Variants in CSMD1 observed in about 807,000 individuals in gnomAD.
CSMD1 encodes CUB and Sushi multiple domains 1.
Under a neutral mutation model 417.5 loss-of-function variants are expected in CSMD1, and 213 were observed. That is an observed-to-expected ratio of 0.51 (90% confidence interval 0.46 to 0.57). The LOEUF (loss-of-function observed/expected upper bound fraction) is 0.57, where lower values mean the gene tolerates loss of function less well. CSMD1 is among the 20% of genes least tolerant of loss of function. CSMD1 has a pLI of 0.00. For synonymous variants in CSMD1, 2,862 were observed against 1,736.8 expected (o/e 1.65, Z -16.11); for missense variants, 6,923 against 4,529.7 (o/e 1.53, Z -15.17).
chr8:4,012,088 G>A (rs939726051), intron 4 of CSMD1, among the ~76,000 whole-genome samples: 4 of 151,996 alleles, frequency 2.6e-5, no homozygotes. Context: ...CTATATTGTA[G>A]ACATAGCCAC....
intron 1 of CSMD1, among the ~76,000 whole-genome samples, chr8:4,696,097 G>C (rs958436324): frequency 6.6e-6 from 1 of 152,100 alleles, no homozygotes; most frequent in African/African-American, 2.4e-5. Flanking sequence ...TCAATCAACA[G>C]CCTTCAACAA....
chr8:4,881,485 AC>A (rs1803396874), intron 1 of CSMD1, among the ~76,000 whole-genome samples: 1 of 150,104 alleles, frequency 6.7e-6, no homozygotes, highest in African/African-American at 2.5e-5. Flanking sequence ...CATGCAATAA[AC>A]CCTTGCCTAT....
chr8:4,053,819 A>C (rs1194928809), intron 3 of CSMD1, among the ~76,000 whole-genome samples: 1 of 152,172 alleles, frequency 6.6e-6, no homozygotes, highest in Non-Finnish European at 1.5e-5. Context: ...AAGCTTTACA[A>C]AAATGTTCAG....
intron 1 of CSMD1, among the ~76,000 whole-genome samples, chr8:4,983,796 C>G (rs1811024937): frequency 6.6e-6 from 1 of 151,178 alleles, no homozygotes; most frequent in African/African-American, 2.4e-5. Context: ...AACATAGTAA[C>G]TGACAAAAAA....
intron 2 of CSMD1, among the ~76,000 whole-genome samples, chr8:4,605,022 C>A (rs1325994936): frequency 6.6e-6 from 1 of 152,140 alleles, no homozygotes; most frequent in Non-Finnish European, 1.5e-5. Flanking sequence ...AAGCAACAAC[C>A]CCCATGATAT....
chr8:2,996,346 C>G (rs776157140), intron 54 of CSMD1, among the ~76,000 whole-genome samples: 1 of 152,130 alleles, frequency 6.6e-6, no homozygotes, highest in Non-Finnish European at 1.5e-5. Context: ...AGAGACTACA[C>G]ATTAGATCAG....
rs2554610 is a variant in CSMD1, at chr8:3,993,087, T to C, written c.818+4816A>G. 7.8e-3 allele frequency among the ~76,000 whole-genome samples: 1,184 copies of C among 152,108 alleles called. 23 individuals are homozygous for C. The highest frequency in any genetic ancestry group is 0.075 in the East Asian group (389 of 5,162). ...AAAAGGCAGAGGAAATCAAACAGAG[T>C]CTGAAAATGAGTTAGCAGCACTGAT... On this transcript the variant is annotated intron_variant, in intron 5 of 69. Transcript: ENST00000635120.
intron 1 of CSMD1, among the ~76,000 whole-genome samples, chr8:4,665,833 T>G (rs1352534479): frequency 6.6e-6 from 1 of 152,224 alleles, no homozygotes; most frequent in East Asian, 1.9e-4. Context: ...GTAAAAGTCT[T>G]CCTGTAGACA....
chr8:3,737,433 G>C (rs968230391), intron 6 of CSMD1, among the ~76,000 whole-genome samples: 2 of 152,122 alleles, frequency 1.3e-5, no homozygotes, highest in Admixed American at 1.3e-4. Context: ...AATTATTTTA[G>C]AATTAAAGTT....
intron 47 of CSMD1, 135 bp downstream of exon 47, chr8:3,096,714 T>C: frequency 1.5e-6 from 1 of 646,948 alleles, no homozygotes; most frequent in South Asian, 2.1e-5. Flanking sequence ...CCAAACTAGT[T>C]TATTTTTTGT....
chr8:3,337,635 C>T (rs951713309), intron 23 of CSMD1, among the ~76,000 whole-genome samples: 1 of 152,132 alleles, frequency 6.6e-6, no homozygotes. Context: ...ACAGAGAGGT[C>T]CATGGCCTTA....
rs114564874 is a variant in CSMD1 at position 3,444,234 on chromosome 8, C to T, written c.1561+24478G>A. 4.5e-3 allele frequency among the ~76,000 whole-genome samples: 688 copies of T among 152,264 alleles called. 6 individuals carry two copies. The highest frequency in any genetic ancestry group is 0.015 in the African/African-American group (640 of 41,556). Reference sequence around the variant, plus strand: ...AATCACTGGGCTGGATGACTAATTTCAGGTTTGAAGCAGAAATTACACAAG... The same window carrying T: ...AATCACTGGGCTGGATGACTAATTTTAGGTTTGAAGCAGAAATTACACAAG... On this transcript the variant is annotated intron_variant, in intron 12 of 69. Transcript: ENST00000635120.
At chr8:4,014,991 T>A (rs2740939) in intron 4 of CSMD1, among the ~76,000 whole-genome samples, 1 of 151,986 alleles carries the variant, frequency 6.6e-6, no homozygotes, top group Non-Finnish European at 1.5e-5. Context: ...GCACAGCAAA[T>A]ATGCAAACCA....
intron 3 of CSMD1, among the ~76,000 whole-genome samples, chr8:4,246,795 A>C (rs1802742151): frequency 6.6e-6 from 1 of 152,220 alleles, no homozygotes; most frequent in African/African-American, 2.4e-5. Context: ...AAATGTAAAG[A>C]AATGTAGTAT....
intron 3 of CSMD1, among the ~76,000 whole-genome samples, chr8:4,410,302 T>A (rs1796578932): frequency 1.3e-5 from 2 of 152,196 alleles, no homozygotes; most frequent in Non-Finnish European, 1.5e-5. Context: ...ATTGAGGTAA[T>A]GAGCGCTTAG....
intron 2 of CSMD1, among the ~76,000 whole-genome samples, chr8:4,425,178 T>A (rs941444634): frequency 6.6e-6 from 1 of 151,970 alleles, no homozygotes; most frequent in Non-Finnish European, 1.5e-5. Flanking sequence ...TTATAAAAAA[T>A]TGTGATTACG....
In CSMD1 at chr8:3,742,674, G is replaced by C. The variant is rs553023701; in HGVS notation, c.931+11256C>G. Among the ~76,000 whole-genome samples the C allele has an allele frequency of 2.0e-3, 300 of 152,008 alleles. 1 individual carries two copies. The highest frequency in any genetic ancestry group is 2.1e-3 in the Non-Finnish European group (142 of 67,984). On this transcript the variant is annotated intron_variant, in intron 6 of 69. Transcript: ENST00000635120. ...CGTCTCTCCCATACACCTACACTCA[G>C]AGTCAGCACTCCAGTTTAATCACCT...
Position 3,284,324 on chromosome 8 carries a change from T to C in CSMD1, c.3973A>G (p.Thr1325Ala). ...TISLHFIVFDTEMAHDILKVW... is the reference protein window; with the variant it reads ...TISLHFIVFDAEMAHDILKVW... ...TTGAGGATGTCGTGAGCCATCTCCG[T>C]GTCGAAAACAATGAAATGGAGGCTG... The change falls in exon 26 of 70, where the codon ACG becomes GCG. Residue 1325 changes from threonine to alanine, a missense_variant. Physicochemically the swap from Thr to Ala is moderately conservative, Grantham distance 58. Transcript: ENST00000635120. 1 of 1,613,790 alleles carries C rather than the reference T, an allele frequency of 6.2e-7. No homozygotes were observed. Among genetic ancestry groups the C allele is most frequent in the Non-Finnish European group, 8.5e-7 (1 of 1,179,830 alleles).
chr8:4,431,602 AAAAACC>A (rs1239248158), intron 2 of CSMD1, among the ~76,000 whole-genome samples: 3 of 152,174 alleles, frequency 2.0e-5, no homozygotes, highest in Non-Finnish European at 4.4e-5. Flanking sequence ...TCTTTGTGGC[AAAAACC>A]AAAACCAAAA....
Sources: allele counts gnomAD v4.1 joint callset (sites outside exome capture counted in the v4.1 genomes callset), GRCh38; gene constraint gnomAD v4.1.1; transcripts MANE v1.5; gene names NCBI Gene and HGNC (gene_info 2026-07-23, HGNC 2026-07-21).